Variants in RYR3 observed in about 807,000 individuals in gnomAD.
RYR3 encodes the protein ryanodine receptor 3.
RYR3 carries 207 observed loss-of-function variants against 584.3 expected under a neutral mutation model. That is an observed-to-expected ratio of 0.35 (90% CI 0.32 to 0.40). The LOEUF (loss-of-function observed/expected upper bound fraction) is 0.40, where lower values mean the gene tolerates loss of function less well. Ranked by LOEUF, RYR3 falls within the 10% of genes least tolerant of loss-of-function variation. The probability of loss-of-function intolerance (pLI) is 1.00; values close to 1 mark genes in which losing one functional copy is unlikely to be tolerated. For synonymous variants in RYR3, 2,416 were observed against 2,248.5 expected, an observed-to-expected ratio of 1.07 and a Z score of -2.11; for missense variants, 5,616 against 6,089.2, an observed-to-expected ratio of 0.92 and a Z score of 2.59.
chr15:33,600,612 T>A (rs1391765079), intron 16 of RYR3, among the ~76,000 whole-genome samples: 8 of 152,132 alleles, frequency 5.3e-5, no homozygotes, highest in Non-Finnish European at 8.8e-5. Flanking sequence ...GTTTAATGTC[T>A]TAGATTCATG....
At chr15:33,699,630 ACT>A (rs2066149258) in intron 40 of RYR3, 72 bp from the exon 41 acceptor site, 3 of 1,432,450 alleles carry the variant, frequency 2.1e-6, no homozygotes, top group Admixed American at 3.9e-5. Flanking sequence ...CCCACTTAAG[ACT>A]CTGAGGTCAG....
chr15:33,757,374 G>A (rs764147911), intron 59 of RYR3, 101 bp from the exon 60 acceptor site: 12 of 1,300,158 alleles, frequency 9.2e-6, no homozygotes, highest in Non-Finnish European at 1.3e-5. Flanking sequence ...CAGGACCAGG[G>A]TTCAGAGGCT....
At chr15:33,534,806 T>C (rs1181635983) in intron 5 of RYR3, among the ~76,000 whole-genome samples, 1 of 152,214 alleles carries the variant, frequency 6.6e-6, no homozygotes. Context: ...CAGCCGGCCT[T>C]GGGATATCGG....
chr15:33,832,567 G>C (rs1456508078), intron 86 of RYR3, among the ~76,000 whole-genome samples: 1 of 149,614 alleles, frequency 6.7e-6, no homozygotes, highest in Non-Finnish European at 1.5e-5. Flanking sequence ...GAGGCAGGGA[G>C]AATTGCTTGA....
rs890656221 is a variant in RYR3, at chr15:33,865,490, T to G, written c.*264T>G. 1.7e-5 allele frequency: 7 copies of G among 410,194 alleles called. No individual in the cohort carries two copies. The highest frequency in any genetic ancestry group is 2.6e-5 in the Non-Finnish European group (6 of 228,192). 25.4% of individuals were successfully genotyped at this position (410,194 alleles called of 1,614,324 possible). ...TCTCTAGGCAAATGCCTTCAAGTTT[T>G]CCAGTTCTGAGGTAACTAGTTCAGT... On this transcript the variant is annotated 3_prime_UTR_variant, in exon 104 of 104. Transcript: ENST00000634891.
In RYR3 at chr15:33,859,394, C is replaced by G. The variant is rs141165514; in HGVS notation, c.14143-181C>G. Among the ~76,000 whole-genome samples the G allele has an allele frequency of 1.2e-4, 18 of 152,304 alleles. No individual in the cohort carries two copies. The East Asian group carries it at 3.3e-3, about 28-fold the overall frequency. ...ACAGTCTTTCCATCTTTGTAGATAT[C>G]AAACTGTCCAGAGGGTGCAGTGGAC... On this transcript the variant is annotated intron_variant, in intron 99 of 103. Transcript: ENST00000634891.
intron 60 of RYR3, among the ~76,000 whole-genome samples, chr15:33,764,125 C>CAT (rs1225554333): frequency 2.6e-5 from 4 of 151,998 alleles, no homozygotes; most frequent in African/African-American, 9.7e-5. Flanking sequence ...AAGACATGCC[C>CAT]GTGTACGTTT....
intron 51 of RYR3, among the ~76,000 whole-genome samples, chr15:33,740,485 G>A (rs1305583546): frequency 6.6e-6 from 1 of 152,140 alleles, no homozygotes. Flanking sequence ...TTGCCATGCC[G>A]AGGGATGCTG....
chr15:33,592,025 A>T (rs754351774), intron 16 of RYR3, among the ~76,000 whole-genome samples: 42 of 152,202 alleles, frequency 2.8e-4, no homozygotes, highest in Non-Finnish European at 5.6e-4. Context: ...AGTAATAGAG[A>T]TAAAAAGCAA....
In RYR3 at chr15:33,837,922, A is replaced by G; in HGVS notation, c.11942A>G (p.Asp3981Gly). 1 of 1,613,962 alleles carries G rather than the reference A, an allele frequency of 6.2e-7. No homozygotes were observed. The highest frequency in any genetic ancestry group is 8.5e-7 in the Non-Finnish European group (1 of 1,179,888). The change falls in exon 89 of 104, where the codon GAC (aspartate) becomes GGC (glycine). Residue 3981 changes from aspartate to glycine, a missense_variant. Physicochemically the swap from Asp to Gly is moderately conservative, Grantham distance 94 (BLOSUM62 -1). Around this residue, in one of 9 missense-constraint regions of RYR3, gnomAD observed 258 missense variants for 297.3 expected, o/e 0.87. Transcript: ENST00000634891. Reference sequence around the variant, plus strand: ...ATGTTTAATTACGTTGATTTTGTAGACCGGTTCCATGAGCCAGCCAAGGAC... The same window carrying G: ...ATGTTTAATTACGTTGATTTTGTAGGCCGGTTCCATGAGCCAGCCAAGGAC... ...NDMFNYVDFV[D>G]RFHEPAKDIG...
At chr15:33,742,544 C>G in intron 52 of RYR3, 100 bp downstream of exon 52, 5 of 794,484 alleles carry the variant, frequency 6.3e-6, no homozygotes, top group Non-Finnish European at 1.1e-5. Flanking sequence ...GTCTAAGTAA[C>G]AGATTTTCCA....
chr15:33,816,353 G>T (rs1291156485), intron 74 of RYR3, among the ~76,000 whole-genome samples: 1 of 152,204 alleles, frequency 6.6e-6, no homozygotes, highest in Admixed American at 6.5e-5. Context: ...ACCTTGTCGT[G>T]CTAAGTAAAA....
chr15:33,838,205 A>T lies in RYR3; in HGVS notation c.12225A>T (p.Glu4075Asp), dbSNP rs1460718549. The T allele has an allele frequency of 1.9e-6, 3 of 1,614,036 alleles. No homozygotes were observed. In the Admixed American group the frequency reaches 5.0e-5, roughly 27 times the overall value. The change falls in exon 89 of 104, where the codon GAA (glutamate) becomes GAT (aspartate). Residue 4075 changes from glutamate (E) to aspartate (D), a missense_variant. By Grantham distance (45) the Glu-to-Asp change is conservative. Around this residue, in one of 9 missense-constraint regions of RYR3, gnomAD observed 258 missense variants for 297.3 expected, o/e 0.87. Transcript: ENST00000634891. ...KRQFIFDVVN[E>D]GGEQEKMELF... ...AGTTCATTTTTGATGTTGTCAATGA[A>T]GGTGGGGAGCAGGAAAAGATGGAGC...
chr15:33,312,685 G>C (rs949209814), intron 1 of RYR3, among the ~76,000 whole-genome samples: 7 of 151,180 alleles, frequency 4.6e-5, no homozygotes, highest in African/African-American at 1.7e-4. Flanking sequence ...TATTATTAAT[G>C]ATCTTCTAGG....
At chr15:33,664,573 A>ATGTG in intron 36 of RYR3, among the ~76,000 whole-genome samples, 1 of 95,026 alleles carries the variant, frequency 1.1e-5, no homozygotes, top group Non-Finnish European at 2.2e-5. Context: ...ATATATAGAT[A>ATGTG]TATGTGTGTG....
chr15:33,820,873 A>C, intron 78 of RYR3, 61 bp downstream of exon 78: 1 of 1,131,680 alleles, frequency 8.8e-7, no homozygotes, highest in African/African-American at 3.4e-5. Flanking sequence ...CCAGGCCTTC[A>C]GAGGTGGGTG....
In RYR3 at chr15:33,839,294, C is replaced by T. The variant is rs182120018; in HGVS notation, c.12978+336C>T. Among the ~76,000 whole-genome samples the T allele has an allele frequency of 5.3e-5, 8 of 152,270 alleles. No individual in the cohort carries two copies. The South Asian group carries it at 6.2e-4, about 12-fold the overall frequency. On this transcript the variant is annotated intron_variant, in intron 89 of 103. Transcript: ENST00000634891. ...TTCAGTGAACTGAAAGCACAGGAAACGAAGAATAACATAAAAGGAGACCTT... is the reference window on the plus strand; with the variant it reads ...TTCAGTGAACTGAAAGCACAGGAAATGAAGAATAACATAAAAGGAGACCTT...
chr15:33,838,375 A>C lies in RYR3; in HGVS notation c.12395A>C (p.Glu4132Ala). ...TTAGAAATTGCGGGTGAAGAGGAAG[A>C]AGACGGGTCTCTTGAGCCGGCCTCT... ...YVLEIAGEEE[E>A]DGSLEPASAF... is the part of the protein sequence containing the mutation. The change falls in exon 89 of 104, where the codon GAA becomes GCA. Residue 4132 changes from glutamate (E) to alanine (A), a missense_variant. By Grantham distance (107) the Glu-to-Ala change is moderately radical. Around this residue, in one of 9 missense-constraint regions of RYR3, gnomAD observed 258 missense variants for 297.3 expected, o/e 0.87. Transcript: ENST00000634891. 1 of 1,614,028 alleles carries C rather than the reference A, an allele frequency of 6.2e-7. No homozygotes were observed. Among genetic ancestry groups the C allele is most frequent in the Non-Finnish European group, 8.5e-7 (1 of 1,179,886 alleles).
At chr15:33,709,806 C>G (rs1596269907) in intron 43 of RYR3, among the ~76,000 whole-genome samples, 2 of 152,216 alleles carry the variant, frequency 1.3e-5, no homozygotes, top group Admixed American at 1.3e-4. Context: ...GACTAAGATA[C>G]CTTAGTCTGG....
Sources: gnomAD v4.1 joint callset for allele counts (sites outside exome capture counted in the v4.1 genomes callset) on GRCh38, gnomAD v4.1.1 for gene constraint, gnomAD v4.1.1 regional missense constraint, MANE v1.5 for transcripts, NCBI Gene and HGNC (gene_info 2026-07-23, HGNC 2026-07-21) for gene names.